Variants in GALNT13 observed in about 807,000 individuals in gnomAD.
GALNT13 encodes polypeptide N-acetylgalactosaminyltransferase 13.
In GALNT13, 28 loss-of-function variants were observed where a neutral mutation model predicts 64.2. That is an observed-to-expected ratio of 0.44 (90% confidence interval 0.32 to 0.60). GALNT13 has a LOEUF of 0.60. Among genes scored for constraint, GALNT13 ranks in the 20% least tolerant of loss-of-function variants. The pLI is 0.05. For missense variants in GALNT13, 577 were observed against 669.8 expected (o/e 0.86, Z 1.53); for synonymous variants, 214 against 224.6 (o/e 0.95, Z 0.42).
At chr2:154,001,857 G>T (rs1019980109) in intron 3 of GALNT13, among the ~76,000 whole-genome samples, 7 of 151,972 alleles carry the variant, frequency 4.6e-5, no homozygotes, top group Non-Finnish European at 1.0e-4. Context: ...TGTTAGTTAT[G>T]TATTTCCTTA....
At chr2:153,700,274 G>T in the GALNT13 span, among the ~76,000 whole-genome samples, 37 of 152,054 alleles carry the variant, frequency 2.4e-4, no homozygotes, top group Non-Finnish European at 1.3e-4. Context: ...TGCAGAAAAG[G>T]CTTTTGATAA....
At chr2:154,332,678 C>G (rs1695232347) in intron 9 of GALNT13, among the ~76,000 whole-genome samples, 1 of 151,976 alleles carries the variant, frequency 6.6e-6, no homozygotes, top group African/African-American at 2.4e-5. Flanking sequence ...AGCTGGTTGC[C>G]CTGTTTACAA....
intron 3 of GALNT13, among the ~76,000 whole-genome samples, chr2:154,115,926 A>G (rs1703272006): frequency 6.6e-6 from 1 of 152,144 alleles, no homozygotes; most frequent in African/African-American, 2.4e-5. Flanking sequence ...CAAGTGTAGC[A>G]TACCTCCTCA....
At chr2:153,946,280 C>T (rs1691735490) in intron 3 of GALNT13, among the ~76,000 whole-genome samples, 1 of 152,134 alleles carries the variant, frequency 6.6e-6, no homozygotes, top group Non-Finnish European at 1.5e-5. Flanking sequence ...GCCAGTAACA[C>T]AAAGGTACAG....
the GALNT13 span, among the ~76,000 whole-genome samples, chr2:153,752,951 G>T: frequency 1.3e-5 from 2 of 151,762 alleles, no homozygotes; most frequent in East Asian, 3.9e-4. Context: ...TTTTTCCTTT[G>T]AACTCCTTTG....
At chr2:153,156,859 A>G in the GALNT13 span, among the ~76,000 whole-genome samples, 1 of 152,172 alleles carries the variant, frequency 6.6e-6, no homozygotes, top group African/African-American at 2.4e-5. Context: ...GATAGAAAGT[A>G]AAAGTTGTGC....
the GALNT13 span, among the ~76,000 whole-genome samples, chr2:153,527,103 A>G: frequency 6.6e-6 from 1 of 152,162 alleles, no homozygotes; most frequent in South Asian, 2.1e-4. Flanking sequence ...GAGGTAGAAA[A>G]GAGAGGGGAG....
chr2:153,245,130 C>T, the GALNT13 span, among the ~76,000 whole-genome samples: 1 of 152,244 alleles, frequency 6.6e-6, no homozygotes, highest in African/African-American at 2.4e-5. Flanking sequence ...CAGGGGCCTA[C>T]AGATAAAGCT....
At chr2:153,440,942 T>C in the GALNT13 span, among the ~76,000 whole-genome samples, 3 of 152,218 alleles carry the variant, frequency 2.0e-5, no homozygotes, top group Non-Finnish European at 2.9e-5. Flanking sequence ...GCAGAAGCTC[T>C]TTAGTTTAAT....
the GALNT13 span, among the ~76,000 whole-genome samples, chr2:153,090,756 A>T: frequency 1.3e-5 from 2 of 152,132 alleles, no homozygotes; most frequent in African/African-American, 4.8e-5. Flanking sequence ...AGGGTTAGGC[A>T]AGTCTGGACT....
At chr2:153,395,790 T>G in the GALNT13 span, among the ~76,000 whole-genome samples, 13 of 152,234 alleles carry the variant, frequency 8.5e-5, no homozygotes, top group African/African-American at 2.9e-4. Flanking sequence ...AGATCATATT[T>G]GCCTTGAGAA....
intron 3 of GALNT13, among the ~76,000 whole-genome samples, chr2:153,994,948 A>T (rs2105201138): frequency 6.6e-6 from 1 of 152,096 alleles, no homozygotes; most frequent in Non-Finnish European, 1.5e-5. Flanking sequence ...AAACTATTTT[A>T]GAGTTGATCA....
intron 9 of GALNT13, among the ~76,000 whole-genome samples, chr2:154,315,958 C>G (rs950196905): frequency 6.6e-6 from 1 of 152,042 alleles, no homozygotes; most frequent in South Asian, 2.1e-4. Context: ...CGTGGTGGCA[C>G]AAGCCTGTAA....
chr2:153,177,044 G>A, the GALNT13 span, among the ~76,000 whole-genome samples: 2 of 151,924 alleles, frequency 1.3e-5, no homozygotes, highest in African/African-American at 2.4e-5. Flanking sequence ...GAGGCACCGG[G>A]GTACAAGAAG....
the GALNT13 span, among the ~76,000 whole-genome samples, chr2:153,566,348 G>GTTTTTTTGTTTTTT: frequency 1.3e-5 from 1 of 74,828 alleles, no homozygotes; most frequent in African/African-American, 6.4e-5. Context: ...TTCTAATCAC[G>GTTTTTTTGTTTTTT]TTTTTTTTTT....
chr2:153,670,628 C>G, the GALNT13 span, among the ~76,000 whole-genome samples: 1 of 152,176 alleles, frequency 6.6e-6, no homozygotes, highest in Non-Finnish European at 1.5e-5. Context: ...ATTCTAAAAA[C>G]CAGAATGCCT....
the GALNT13 span, among the ~76,000 whole-genome samples, chr2:153,073,449 GA>G: frequency 6.6e-6 from 1 of 151,942 alleles, no homozygotes; most frequent in South Asian, 2.1e-4. Flanking sequence ...GAACAGTGTA[GA>G]TTTTTTTTTC....
the GALNT13 span, among the ~76,000 whole-genome samples, chr2:153,416,057 A>C: frequency 6.6e-6 from 1 of 152,224 alleles, no homozygotes; most frequent in African/African-American, 2.4e-5. Flanking sequence ...CCTGTGTTAG[A>C]GTAAGCATAT....
intron 3 of GALNT13, among the ~76,000 whole-genome samples, chr2:154,035,863 GGAGA>G (rs1698631386): frequency 6.6e-6 from 1 of 151,916 alleles, no homozygotes. Context: ...CTCATTAATA[GGAGA>G]GAGAGGAATA....
Sources: gnomAD v4.1 joint callset for allele counts (sites outside exome capture counted in the v4.1 genomes callset) on GRCh38, gnomAD v4.1.1 for gene constraint, MANE v1.5 for transcripts, NCBI Gene and HGNC (gene_info 2026-07-23, HGNC 2026-07-21) for gene names.